The following OTUD7A variants were observed in gnomAD, a reference collection of about 807,000 sequenced individuals.
The protein encoded by OTUD7A is OTU deubiquitinase 7A, also known as OTU domain-containing protein 7A.
A neutral mutation model predicts 65.7 loss-of-function variants in OTUD7A; 12 were observed. That is an observed-to-expected ratio of 0.18 (90% CI 0.12 to 0.30). OTUD7A has a LOEUF of 0.30. Among genes scored for constraint, OTUD7A ranks in the 10% least tolerant of loss-of-function variants. The probability of loss-of-function intolerance (pLI) is 1.00; values close to 1 mark genes in which losing one functional copy is unlikely to be tolerated. For missense variants in OTUD7A, 1,148 were observed against 1,304.8 expected, an observed-to-expected ratio of 0.88 and a Z score of 1.85; for synonymous variants, 641 against 586.3, an observed-to-expected ratio of 1.09 and a Z score of -1.35.
At chr15:31,581,354 G>A (rs1304005367) in intron 3 of OTUD7A, among the ~76,000 whole-genome samples, 4 of 152,214 alleles carry the variant, frequency 2.6e-5, no homozygotes, top group African/African-American at 7.2e-5. Flanking sequence ...TCATTTTGGG[G>A]TCTGGAGGAT....
At chr15:31,601,727 A>T (rs1423555302) in intron 3 of OTUD7A, among the ~76,000 whole-genome samples, 1 of 152,204 alleles carries the variant, frequency 6.6e-6, no homozygotes, top group East Asian at 1.9e-4. Context: ...AATAAAGAAG[A>T]AAAGAGAGAA....
Position 31,475,461 on chromosome 15 carries a change from G to C in OTUD7A, c.*7833C>G, listed in dbSNP as rs2041003681. On this transcript the variant is annotated 3_prime_UTR_variant, in exon 13 of 13. Transcript: ENST00000307050. ...AAGCTTCTCTCTGTGTCAGGTAATGGAGAAGCCATGTCACACAGATTACAG... is the reference window on the plus strand; with the variant it reads ...AAGCTTCTCTCTGTGTCAGGTAATGCAGAAGCCATGTCACACAGATTACAG... 6.6e-6 allele frequency: 1 copy of C among 152,132 alleles called. No homozygotes were observed. Among genetic ancestry groups the C allele is most frequent in the African/African-American group, 2.4e-5 (1 of 41,416 alleles). 9.4% of individuals were successfully genotyped at this position (152,132 alleles called of 1,614,324 possible).
chr15:31,664,926 A>G (rs1261182994), intron 1 of OTUD7A, among the ~76,000 whole-genome samples: 1 of 152,112 alleles, frequency 6.6e-6, no homozygotes, highest in Non-Finnish European at 1.5e-5. Flanking sequence ...TCCTTTCCCT[A>G]CTTTATGTTT....
intron 1 of OTUD7A, among the ~76,000 whole-genome samples, chr15:31,866,810 G>C (rs1897888020): frequency 6.6e-6 from 1 of 152,186 alleles, no homozygotes; most frequent in South Asian, 2.1e-4. Flanking sequence ...TGAAGAGCCT[G>C]ATTCACTAAA....
chr15:31,552,656 A>G (rs901208670), intron 5 of OTUD7A, among the ~76,000 whole-genome samples: 3 of 152,182 alleles, frequency 2.0e-5, no homozygotes, highest in African/African-American at 4.8e-5. Flanking sequence ...TGTGACCACT[A>G]CGCTGAGGAG....
chr15:31,719,644 C>A (rs1323761122), intron 1 of OTUD7A, among the ~76,000 whole-genome samples: 1 of 152,088 alleles, frequency 6.6e-6, no homozygotes, highest in Non-Finnish European at 1.5e-5. Context: ...CCCTGCCACG[C>A]TGACTTCTGG....
intron 1 of OTUD7A, among the ~76,000 whole-genome samples, chr15:31,783,010 A>C (rs1464996615): frequency 2.6e-5 from 4 of 152,222 alleles, no homozygotes; most frequent in Non-Finnish European, 1.5e-5. Context: ...GAGTTAAAAG[A>C]ACACAACTCA....
chr15:31,608,887 C>T (rs1890314023), intron 3 of OTUD7A, among the ~76,000 whole-genome samples: 1 of 152,218 alleles, frequency 6.6e-6, no homozygotes, highest in African/African-American at 2.4e-5. Context: ...ACTGCTCCTG[C>T]AGGACCTGGT....
intron 1 of OTUD7A, among the ~76,000 whole-genome samples, chr15:31,864,066 T>G (rs2141020050): frequency 6.6e-6 from 1 of 152,154 alleles, no homozygotes; most frequent in Admixed American, 6.5e-5. Flanking sequence ...ATAACAAGAG[T>G]CACCTTTGCT....
intron 1 of OTUD7A, among the ~76,000 whole-genome samples, chr15:31,842,725 CTT>C (rs1897213191): frequency 6.6e-6 from 1 of 152,206 alleles, no homozygotes; most frequent in Admixed American, 6.5e-5. Context: ...CCCTGACCTA[CTT>C]AGGGCTGGGA....
At chr15:31,827,840 T>C (rs897551133) in intron 1 of OTUD7A, among the ~76,000 whole-genome samples, 3 of 46,506 alleles carry the variant, frequency 6.5e-5, no homozygotes, top group Non-Finnish European at 1.7e-4. Flanking sequence ...GGCAGGAGAA[T>C]TGCTTGAACT....
At chr15:31,763,351 A>G (rs1044562384) in intron 1 of OTUD7A, among the ~76,000 whole-genome samples, 1 of 152,186 alleles carries the variant, frequency 6.6e-6, no homozygotes, top group Non-Finnish European at 1.5e-5. Context: ...TATAAAGAAG[A>G]ATCAAGTGGA....
intron 3 of OTUD7A, among the ~76,000 whole-genome samples, chr15:31,643,444 A>G (rs560560633): frequency 8.5e-5 from 13 of 152,282 alleles, no homozygotes; most frequent in Non-Finnish European, 1.5e-4. Context: ...TCTCAGATGT[A>G]GTCTTCATCT....
At chr15:31,665,568 C>G (rs1421976896) in intron 1 of OTUD7A, among the ~76,000 whole-genome samples, 2 of 152,110 alleles carry the variant, frequency 1.3e-5, no homozygotes, top group Non-Finnish European at 2.9e-5. Flanking sequence ...CTGGAGGAGT[C>G]TTTAGGGTTT....
At chr15:31,778,926 A>C (rs1053262884) in intron 1 of OTUD7A, among the ~76,000 whole-genome samples, 8 of 152,334 alleles carry the variant, frequency 5.3e-5, no homozygotes, top group Admixed American at 5.2e-4. Context: ...TCTTGGGGTA[A>C]AAATGCAGTA....
chr15:31,558,802 C>G, intron 5 of OTUD7A, 167 bp downstream of exon 5: 1 of 724,512 alleles, frequency 1.4e-6, no homozygotes, highest in Non-Finnish European at 2.3e-6. Context: ...CTGGCTAGAA[C>G]ACTGTCGGCC....
chr15:31,647,933 G>A (rs1191798994), intron 3 of OTUD7A, among the ~76,000 whole-genome samples: 2 of 152,008 alleles, frequency 1.3e-5, no homozygotes, highest in Non-Finnish European at 2.9e-5. Context: ...ACAGAGGTGG[G>A]TGTCAAGTCA....
At chr15:31,841,891 C>T (rs1156293306) in intron 1 of OTUD7A, among the ~76,000 whole-genome samples, 2 of 152,274 alleles carry the variant, frequency 1.3e-5, no homozygotes, top group South Asian at 2.1e-4. Context: ...CCTAGGTCCA[C>T]CCAACAGAAA....
intron 1 of OTUD7A, among the ~76,000 whole-genome samples, chr15:31,661,857 T>C (rs1038142857): frequency 1.3e-5 from 2 of 152,258 alleles, no homozygotes; most frequent in African/African-American, 4.8e-5. Flanking sequence ...TTGGTTGATA[T>C]GTCTTTTTTA....
Sources: allele counts gnomAD v4.1 joint callset (sites outside exome capture counted in the v4.1 genomes callset), GRCh38; gene constraint gnomAD v4.1.1; transcripts MANE v1.5; gene names NCBI Gene and HGNC (gene_info 2026-07-23, HGNC 2026-07-21).